The following MAP3K1 variants were observed in gnomAD, a reference collection of about 807,000 sequenced individuals.
MAP3K1 encodes mitogen-activated protein kinase kinase kinase 1.
MAP3K1 carries 36 observed loss-of-function variants against 144.2 expected under a neutral mutation model. The ratio of observed to expected loss-of-function variants is 0.25; its 90% CI spans 0.19 to 0.33. MAP3K1 has a LOEUF of 0.33. Ranked by LOEUF, MAP3K1 falls within the 10% of genes least tolerant of loss-of-function variation. The pLI is 1.00. For missense variants in MAP3K1, 1,650 were observed against 1,881.9 expected, an observed-to-expected ratio of 0.88 and a Z score of 2.28; for synonymous variants, 718 against 688.7, an observed-to-expected ratio of 1.04 and a Z score of -0.67.
At chr5:56,818,698 C>T (rs1009836171) in intron 1 of MAP3K1, among the ~76,000 whole-genome samples, 1 of 152,068 alleles carries the variant, frequency 6.6e-6, no homozygotes, top group Non-Finnish European at 1.5e-5. Flanking sequence ...CAGTGTTACT[C>T]TCCATTGAAC....
At chr5:56,819,496 TG>T (rs1417936494) in intron 1 of MAP3K1, among the ~76,000 whole-genome samples, 3 of 152,136 alleles carry the variant, frequency 2.0e-5, no homozygotes, top group African/African-American at 7.2e-5. Context: ...TCCTTGACAC[TG>T]GCTGTGTGCA....
At chr5:56,884,590 T>A in intron 15 of MAP3K1, 74 bp from the exon 16 acceptor site, 1 of 1,423,154 alleles carries the variant, frequency 7.0e-7, no homozygotes, top group Non-Finnish European at 9.9e-7. Flanking sequence ...AAGTGCTAGT[T>A]TGCATTTGTT....
chr5:56,857,958 T>A (rs1469973824), intron 2 of MAP3K1, among the ~76,000 whole-genome samples: 2 of 152,228 alleles, frequency 1.3e-5, no homozygotes, highest in East Asian at 3.8e-4. Flanking sequence ...CGTGAGTCCT[T>A]GTCTTTACAG....
rs376911076 is a variant in MAP3K1, at chr5:56,884,741, C to T, written c.3897C>T (p.Ser1299=). 15 of 1,613,048 alleles carry T rather than the reference C, an allele frequency of 9.3e-6. No individual in the cohort carries two copies. In the African/African-American group the frequency reaches 1.7e-4, roughly 19 times the overall value. ...TAAGAGAAGAGATAAGAATGATGAG[C>T]CATCTGAATCATCCAAACATCATTA... ...EALREEIRMM[S]HLNHPNIIRM... Residue 1299 remains serine (S), a synonymous_variant, in exon 16 of 20, where the codon AGC becomes AGT. Coordinates refer to ENST00000399503, the MANE Select transcript of MAP3K1 (RefSeq NM_005921.2).
intron 15 of MAP3K1, 54 bp downstream of exon 15, chr5:56,883,733 T>C: frequency 3.2e-6 from 5 of 1,575,314 alleles, no homozygotes; most frequent in South Asian, 1.1e-5. Context: ...AAATGAAGCA[T>C]GTTCAGTAAA....
At chr5:56,818,176 G>A (rs73133587) in intron 1 of MAP3K1, among the ~76,000 whole-genome samples, 15 of 152,020 alleles carry the variant, frequency 9.9e-5, no homozygotes, top group African/African-American at 3.6e-4. Context: ...TTAACAATTG[G>A]GTTGAAATTC....
chr5:56,859,944 GT>G, intron 3 of MAP3K1, 29 bp downstream of exon 3: 1 of 1,541,070 alleles, frequency 6.5e-7, no homozygotes, highest in Non-Finnish European at 8.9e-7. Context: ...AAATATGTTA[GT>G]TTTTATAATT....
chr5:56,818,353 TTA>T (rs1465198007), intron 1 of MAP3K1, among the ~76,000 whole-genome samples: 4 of 152,164 alleles, frequency 2.6e-5, no homozygotes, highest in African/African-American at 7.2e-5. Flanking sequence ...CAATTGAACT[TTA>T]TGTTTTACTT....
chr5:56,833,446 C>T (rs1431215219), intron 1 of MAP3K1, among the ~76,000 whole-genome samples: 1 of 152,180 alleles, frequency 6.6e-6, no homozygotes, highest in African/African-American at 2.4e-5. Flanking sequence ...GGTGCCTACG[C>T]AGCCTTGCAC....
At chr5:56,877,611 C>G (rs1748080689) in intron 10 of MAP3K1, among the ~76,000 whole-genome samples, 1 of 151,116 alleles carries the variant, frequency 6.6e-6, no homozygotes, top group Admixed American at 6.6e-5. Flanking sequence ...ATACATAATT[C>G]CATTTATTCT....
intron 6 of MAP3K1, among the ~76,000 whole-genome samples, chr5:56,870,392 C>T (rs531976374): frequency 6.6e-6 from 1 of 152,236 alleles, no homozygotes; most frequent in South Asian, 2.1e-4. Context: ...AAAGCCATCC[C>T]TCACATCATG....
chr5:56,859,384 C>T (rs971597800), intron 2 of MAP3K1, among the ~76,000 whole-genome samples: 3 of 151,868 alleles, frequency 2.0e-5, no homozygotes, highest in African/African-American at 7.3e-5. Context: ...TGTTTAATCA[C>T]CTTTGATTGT....
intron 3 of MAP3K1, among the ~76,000 whole-genome samples, chr5:56,863,077 A>G (rs974456341): frequency 6.6e-6 from 1 of 152,192 alleles, no homozygotes; most frequent in African/African-American, 2.4e-5. Context: ...TTGTTATATA[A>G]CTAGGGACTT....
At chr5:56,866,017 T>C in intron 6 of MAP3K1, 40 bp downstream of exon 6, 1 of 1,499,064 alleles carries the variant, frequency 6.7e-7, no homozygotes. Context: ...AATCCAGTGT[T>C]ACTTTTAATT....
At position 56,895,927 on chromosome 5, in the gene MAP3K1, G is replaced by T. The variant is rs1748688994; in HGVS notation, c.*2247G>T. ...TGACTATGATTCCTAAGATTTCCAG[G>T]GCTTAAGGGCTAACTTCTATTAGCA... On this transcript the variant is annotated 3_prime_UTR_variant, in exon 20 of 20. Coordinates refer to ENST00000399503, the MANE Select transcript of MAP3K1 (RefSeq NM_005921.2). The T allele has an allele frequency of 4.4e-6, 1 of 227,168 alleles. No individual in the cohort carries two copies. The highest frequency in any genetic ancestry group is 5.8e-5 in the Admixed American group (1 of 17,380). 14.1% of individuals were successfully genotyped at this position (227,168 alleles called of 1,614,324 possible).
chr5:56,823,746 C>T (rs1746224095), intron 1 of MAP3K1, among the ~76,000 whole-genome samples: 2 of 152,148 alleles, frequency 1.3e-5, no homozygotes, highest in African/African-American at 2.4e-5. Context: ...GACTTGTAGA[C>T]GTGCCTGGTG....
intron 1 of MAP3K1, among the ~76,000 whole-genome samples, chr5:56,847,655 C>A (rs1747039844): frequency 6.6e-6 from 1 of 152,178 alleles, no homozygotes; most frequent in African/African-American, 2.4e-5. Context: ...TTTGAATATT[C>A]TTATGACTAT....
At chr5:56,818,556 C>T (rs1031494224) in intron 1 of MAP3K1, among the ~76,000 whole-genome samples, 6 of 151,850 alleles carry the variant, frequency 4.0e-5, no homozygotes, top group Admixed American at 3.3e-4. Context: ...TTAAGTTTGT[C>T]CCTCTTTTTC....
chr5:56,857,090 T>G (rs1425426336), intron 2 of MAP3K1, among the ~76,000 whole-genome samples: 1 of 152,166 alleles, frequency 6.6e-6, no homozygotes, highest in East Asian at 1.9e-4. Context: ...ATGTTTTATC[T>G]CTAAGACAGG....
Sources: allele counts gnomAD v4.1 joint callset (sites outside exome capture counted in the v4.1 genomes callset), GRCh38; gene constraint gnomAD v4.1.1; transcripts MANE v1.5; gene names NCBI Gene and HGNC (gene_info 2026-07-23, HGNC 2026-07-21).